The following ZNF462 variants were observed in gnomAD, a reference collection of about 807,000 sequenced individuals.
ZNF462 encodes zinc finger protein 462, also known as zinc finger PBX1-interacting protein.
ZNF462 carries 10 observed loss-of-function variants against 201.9 expected under a neutral mutation model. That is an observed-to-expected ratio of 0.05 (90% confidence interval 0.03 to 0.08). The LOEUF is 0.08. Among genes scored for constraint, ZNF462 ranks in the 10% least tolerant of loss-of-function variants. ZNF462 has a pLI of 1.00. For missense variants in ZNF462, 2,523 were observed against 3,168.3 expected (o/e 0.80, Z 4.89); for synonymous variants, 1,227 against 1,193.3 (o/e 1.03, Z -0.58).
chr9:106,891,490 G>A (rs1252425889), intron 1 of ZNF462, among the ~76,000 whole-genome samples: 1 of 151,936 alleles, frequency 6.6e-6, no homozygotes, highest in African/African-American at 2.4e-5. Flanking sequence ...AGCTCCATAC[G>A]GATTGACATT....
In ZNF462 at chr9:107,009,567, C is replaced by T. The variant is rs752006050; in HGVS notation, c.7212C>T (p.His2404=). ...EDRELMRFSD[H]GAALNTEKRF... is the part of the protein sequence containing the mutation. ...CAGAGCTGATGAGATTTTCTGACCA[C>T]GGGGCTGCTCTTAACACTGAGAAGC... Residue 2404 remains histidine (H), a synonymous_variant, in exon 12 of 13, where the codon CAC becomes CAT. Coordinates refer to ENST00000277225, the MANE Select transcript of ZNF462 (RefSeq NM_021224.6). This position sits in a 1 kb window ranked among gnomAD's most constrained non-coding sequence, Gnocchi z 6.1. The T allele has an allele frequency of 6.8e-6, 11 of 1,613,952 alleles. No homozygotes were observed. The highest frequency in any genetic ancestry group is 2.2e-5 in the East Asian group (1 of 44,846).
At chr9:106,908,920 T>C (rs1360145456) in intron 1 of ZNF462, among the ~76,000 whole-genome samples, 2 of 25,694 alleles carry the variant, frequency 7.8e-5, no homozygotes, top group African/African-American at 2.6e-4. Flanking sequence ...CATATATATA[T>C]ATATATATAT....
chr9:107,009,816 A>G lies in ZNF462; in HGVS notation c.7313+148A>G. 1 of 1,213,868 alleles carries G rather than the reference A, an allele frequency of 8.2e-7. No individual in the cohort carries two copies. The highest frequency in any genetic ancestry group is 1.6e-5 in the South Asian group (1 of 61,492). 75.2% of individuals were successfully genotyped at this position (1,213,868 alleles called of 1,614,324 possible). ...GGAGGAGAGGCAATGGTGAGGAACC[A>G]AGTTTCTCCTTTTCTGTTGTTTTTT... On this transcript the variant is annotated intron_variant, in intron 12 of 12. Coordinates refer to ENST00000277225, the MANE Select transcript of ZNF462 (RefSeq NM_021224.6). This position sits in a 1 kb window ranked among gnomAD's most constrained non-coding sequence, Gnocchi z 6.1.
chr9:106,989,161 G>A (rs1024964085), intron 10 of ZNF462, among the ~76,000 whole-genome samples: 3 of 152,080 alleles, frequency 2.0e-5, no homozygotes, highest in Non-Finnish European at 2.9e-5. Flanking sequence ...TCAGTATTAC[G>A]TTGGCTGTGG....
chr9:106,870,089 T>C lies in ZNF462; in HGVS notation c.-31+6734T>C, dbSNP rs1304807082. On this transcript the variant is annotated intron_variant, in intron 1 of 12. Transcript: ENST00000277225. This position sits in a 1 kb window ranked among gnomAD's most constrained non-coding sequence, Gnocchi z 4.3. ...TGAAGCACGTACAGGATTTTTAAAG[T>C]GTTTGGATGTGTGATTCCAACACAA... is the stretch of plus-strand genomic sequence containing the variant. Among the ~76,000 whole-genome samples the C allele has an allele frequency of 6.6e-6, 1 of 152,212 alleles. No individual in the cohort carries two copies. The highest frequency in any genetic ancestry group is 1.5e-5 in the Non-Finnish European group (1 of 68,044).
At chr9:106,914,019 T>C (rs973110556) in intron 1 of ZNF462, among the ~76,000 whole-genome samples, 1 of 125,254 alleles carries the variant, frequency 8.0e-6, no homozygotes, top group African/African-American at 3.2e-5. Context: ...TCACATGCCT[T>C]CGCCTAGGAT....
chr9:106,904,610 A>G (rs1471313148), intron 1 of ZNF462, among the ~76,000 whole-genome samples: 1 of 151,992 alleles, frequency 6.6e-6, no homozygotes, highest in Non-Finnish European at 1.5e-5. Context: ...GACTTCTTGG[A>G]TGTTTTGTTC....
At position 106,935,791 on chromosome 9, in the gene ZNF462, G is replaced by A. The variant is rs1377757768; in HGVS notation, c.6235+170G>A. On this transcript the variant is annotated intron_variant, in intron 6 of 12. Transcript: ENST00000277225. The surrounding 1 kb of genome is among the most constrained non-coding windows in gnomAD (Gnocchi z 4.1). ...TAGTAAAGAAAAAATAAAGAAAAAA[G>A]TAAAAGTTAAACAAAATCACCTAAA... Among the ~76,000 whole-genome samples, 1 of 152,160 alleles carries A rather than the reference G, an allele frequency of 6.6e-6. No individual in the cohort carries two copies. The highest frequency in any genetic ancestry group is 2.4e-5 in the African/African-American group (1 of 41,444).
At chr9:106,884,947 C>T (rs1188960178) in intron 1 of ZNF462, among the ~76,000 whole-genome samples, 5 of 152,144 alleles carry the variant, frequency 3.3e-5, no homozygotes, top group Non-Finnish European at 1.5e-5. Context: ...ATCATCAATG[C>T]TTATTAGTGA....
At chr9:106,945,986 A>G (rs1046433068) in intron 7 of ZNF462, among the ~76,000 whole-genome samples, 2 of 152,230 alleles carry the variant, frequency 1.3e-5, no homozygotes, top group African/African-American at 4.8e-5. Flanking sequence ...TGAATTAGCC[A>G]TAGTTTTGTG....
rs761201558 is a variant in ZNF462 at position 106,927,214 on chromosome 9, C to A, written c.3302C>A (p.Pro1101His). 1 of 1,609,368 alleles carries A rather than the reference C, an allele frequency of 6.2e-7. No individual in the cohort carries two copies. Among genetic ancestry groups the A allele is most frequent in the South Asian group, 1.1e-5 (1 of 90,510 alleles). Residue 1101 changes from proline (P) to histidine (H), a missense_variant, in exon 3 of 13, where the codon CCC becomes CAC. Physicochemically the swap from Pro to His is moderately conservative, Grantham distance 77. This residue lies in a region of ZNF462 where 280 missense variants were observed against 321.3 expected (regional missense o/e 0.87). Transcript: ENST00000277225. ...PKMSNMGSPP[P>H]PQPPPPDLST... is the part of the protein sequence containing the mutation. Reference sequence around the variant, plus strand: ...ATGTCCAACATGGGTTCCCCACCCCCCCCACAACCCCCGCCACCAGACCTC... The same window carrying A: ...ATGTCCAACATGGGTTCCCCACCCCACCCACAACCCCCGCCACCAGACCTC...
intron 1 of ZNF462, among the ~76,000 whole-genome samples, chr9:106,909,871 CTT>C (rs1165096466): frequency 6.6e-6 from 1 of 152,202 alleles, no homozygotes; most frequent in African/African-American, 2.4e-5. Flanking sequence ...AACAGATACT[CTT>C]TTATTTCAAC....
In ZNF462 at chr9:106,905,095, T is replaced by C. The variant is rs542213851; in HGVS notation, c.-30-18259T>C. Among the ~76,000 whole-genome samples the C allele has an allele frequency of 6.6e-6, 1 of 152,234 alleles. No individual in the cohort carries two copies. The highest frequency in any genetic ancestry group is 2.1e-4 in the South Asian group (1 of 4,822). On this transcript the variant is annotated intron_variant, in intron 1 of 12. Coordinates refer to ENST00000277225, the MANE Select transcript of ZNF462 (RefSeq NM_021224.6). This position sits in a 1 kb window ranked among gnomAD's most constrained non-coding sequence, Gnocchi z 5.9. Reference sequence around the variant, plus strand: ...TATGGCTGAAGACTGTTGTTCAGATTCTTTTGTCCCAAGGGGTGTTCCCTT... The same window carrying C: ...TATGGCTGAAGACTGTTGTTCAGATCCTTTTGTCCCAAGGGGTGTTCCCTT...
intron 10 of ZNF462, among the ~76,000 whole-genome samples, chr9:106,988,886 T>C (rs1210892948): frequency 6.6e-6 from 1 of 152,194 alleles, no homozygotes; most frequent in Non-Finnish European, 1.5e-5. Context: ...ACATTAATCT[T>C]GTATCTGGAA....
chr9:106,929,413 T>C lies in ZNF462; in HGVS notation c.5501T>C (p.Val1834Ala). Residue 1834 changes from valine (V) to alanine (A), a missense_variant, in exon 3 of 13, where the codon GTG (valine) becomes GCG (alanine). Val to Ala is a moderately conservative substitution (Grantham distance 64, BLOSUM62 0). Around this residue, in one of 15 missense-constraint regions of ZNF462, gnomAD observed 207 missense variants for 231.6 expected, o/e 0.89. Transcript: ENST00000277225. The surrounding 1 kb of genome is among the most constrained non-coding windows in gnomAD (Gnocchi z 8.7). The stretch of plus-strand genomic sequence containing the variant: ...AGAGGCAACTTTGAGAAAGCCGAGG[T>C]GGAGGGTGAAGCTCAGGAAATCGAG... ...EERGNFEKAE[V>A]EGEAQEIEWL... The C allele has an allele frequency of 1.9e-6, 3 of 1,613,916 alleles. No individual in the cohort carries two copies. Among genetic ancestry groups the C allele is most frequent in the Non-Finnish European group, 2.5e-6 (3 of 1,180,008 alleles).
rs903131904 is a variant in ZNF462, at chr9:106,872,973, T to C, written c.-31+9618T>C. On this transcript the variant is annotated intron_variant, in intron 1 of 12. Transcript: ENST00000277225. The surrounding 1 kb of genome is among the most constrained non-coding windows in gnomAD (Gnocchi z 4.5). ...GAAACTGAGGTTTAGGGAGGTAAAG[T>C]AATTTAGCCAAAGTCATGAGGCTGC... Among the ~76,000 whole-genome samples the C allele has an allele frequency of 3.3e-5, 5 of 152,106 alleles. No homozygotes were observed. The highest frequency in any genetic ancestry group is 5.9e-5 in the Non-Finnish European group (4 of 68,024).
At chr9:106,871,434 G>A (rs1024915208) in intron 1 of ZNF462, among the ~76,000 whole-genome samples, 3 of 152,224 alleles carry the variant, frequency 2.0e-5, no homozygotes, top group African/African-American at 7.2e-5. Context: ...GGTTGGATGG[G>A]AGAAGGAAAA....
chr9:106,920,105 C>T lies in ZNF462; in HGVS notation c.-30-3249C>T, dbSNP rs1051109325. On this transcript the variant is annotated intron_variant, in intron 1 of 12. Transcript: ENST00000277225. This position sits in a 1 kb window ranked among gnomAD's most constrained non-coding sequence, Gnocchi z 4.3. ...TTAGCCTCTTAGGGTTGCTGCTCTT[C>T]GGGATTGATGAAGAAGATATGCAGA... Among the ~76,000 whole-genome samples, 19 of 151,118 alleles carry T rather than the reference C, an allele frequency of 1.3e-4. No homozygotes were observed. Among genetic ancestry groups the T allele is most frequent in the South Asian group, 4.2e-4 (2 of 4,796 alleles).
In ZNF462 at chr9:106,925,394, TACA is replaced by T; in HGVS notation, c.1485_1487del (p.Thr496del). ...GGGCTCACAAACAGTGTCACACGGG[TACA>T]ACGTCAGATTGGGATGCTGTGAATT... On this transcript the variant is annotated inframe_deletion, in exon 3 of 13. Transcript: ENST00000277225. This position sits in a 1 kb window ranked among gnomAD's most constrained non-coding sequence, Gnocchi z 7.9. The T allele has an allele frequency of 6.2e-7, 1 of 1,614,168 alleles. No individual in the cohort carries two copies. The highest frequency in any genetic ancestry group is 1.1e-5 in the South Asian group (1 of 91,074).
Sources: gnomAD v4.1 joint callset for allele counts (sites outside exome capture counted in the v4.1 genomes callset) on GRCh38, gnomAD v4.1.1 for gene constraint, gnomAD v4.1.1 regional missense constraint, Gnocchi (gnomAD v3.1) non-coding constraint, MANE v1.5 for transcripts, NCBI Gene and HGNC (gene_info 2026-07-23, HGNC 2026-07-21) for gene names.